The following BICC1 variants were observed in gnomAD, a reference collection of about 807,000 sequenced individuals.
BICC1 encodes the protein BicC family RNA binding protein 1, also known as protein bicaudal C homolog 1.
BICC1 carries 43 observed loss-of-function variants against 111.0 expected under a neutral mutation model. The observed-to-expected ratio is 0.39, with a 90% confidence interval of 0.30 to 0.50. BICC1 has a LOEUF of 0.50. BICC1 is among the 20% of genes least tolerant of loss of function. The pLI, the probability that BICC1 is intolerant of heterozygous loss-of-function variation, is 0.88. For missense variants in BICC1, 1,091 were observed against 1,203.2 expected, an observed-to-expected ratio of 0.91 and a Z score of 1.38; for synonymous variants, 467 against 434.4, an observed-to-expected ratio of 1.07 and a Z score of -0.93.
chr10:58,644,111 TG>T (rs1459226239), intron 2 of BICC1, among the ~76,000 whole-genome samples: 1 of 152,160 alleles, frequency 6.6e-6, no homozygotes, highest in Non-Finnish European at 1.5e-5. Context: ...TTAGATAAGG[TG>T]GTTATCTGGC....
At chr10:58,665,324 A>G (rs751475601) in intron 2 of BICC1, among the ~76,000 whole-genome samples, 3 of 152,162 alleles carry the variant, frequency 2.0e-5, no homozygotes, top group East Asian at 1.9e-4. Flanking sequence ...GTTTTTAAGC[A>G]TAAGTATTCT....
intron 1 of BICC1, among the ~76,000 whole-genome samples, chr10:58,522,262 G>T (rs368142894): frequency 6.6e-6 from 1 of 151,968 alleles, no homozygotes; most frequent in South Asian, 2.1e-4. Context: ...AATATATTAT[G>T]AAATAATTTA....
chr10:58,664,019 T>C (rs1377079161), intron 2 of BICC1, among the ~76,000 whole-genome samples: 2 of 152,190 alleles, frequency 1.3e-5, no homozygotes, highest in Admixed American at 6.5e-5. Context: ...ATGAAGGTGC[T>C]GTAAAATGCA....
intron 2 of BICC1, among the ~76,000 whole-genome samples, chr10:58,665,783 A>G (rs563942618): frequency 7.9e-5 from 12 of 152,268 alleles, no homozygotes; most frequent in Admixed American, 2.0e-4. Flanking sequence ...ATTAGTGGAC[A>G]TTTTGCTGGC....
At chr10:58,663,583 G>A (rs1838914696) in intron 2 of BICC1, among the ~76,000 whole-genome samples, 1 of 152,168 alleles carries the variant, frequency 6.6e-6, no homozygotes, top group Non-Finnish European at 1.5e-5. Flanking sequence ...TCCCCTTCCT[G>A]TCAGATCAGC....
chr10:58,775,412 A>G (rs1261562912), intron 3 of BICC1, among the ~76,000 whole-genome samples: 1 of 150,792 alleles, frequency 6.6e-6, no homozygotes, highest in Non-Finnish European at 1.5e-5. Flanking sequence ...AAAAACAAAC[A>G]AAAAAAAACA....
At chr10:58,708,945 C>T (rs1046544130) in intron 3 of BICC1, among the ~76,000 whole-genome samples, 7 of 152,152 alleles carry the variant, frequency 4.6e-5, no homozygotes, top group Non-Finnish European at 8.8e-5. Flanking sequence ...GAAAACCTTA[C>T]TGAGGACTTC....
At chr10:58,798,640 A>G in intron 11 of BICC1, 80 bp downstream of exon 11, 1 of 1,315,282 alleles carries the variant, frequency 7.6e-7, no homozygotes, top group Non-Finnish European at 1.0e-6. Context: ...CGAAGGGCTC[A>G]GTTTTCTTAA....
chr10:58,658,544 T>C (rs1334483249), intron 2 of BICC1, among the ~76,000 whole-genome samples: 10 of 152,156 alleles, frequency 6.6e-5, no homozygotes, highest in Admixed American at 6.6e-4. Context: ...TGATTAATTT[T>C]ATTATGCCAT....
At chr10:58,570,936 C>A (rs1843929539) in intron 1 of BICC1, among the ~76,000 whole-genome samples, 1 of 152,084 alleles carries the variant, frequency 6.6e-6, no homozygotes. Flanking sequence ...TGCTGCTGAT[C>A]TTGTTTTGCT....
At chr10:58,783,916 A>G (rs1842943391) in intron 3 of BICC1, among the ~76,000 whole-genome samples, 1 of 152,140 alleles carries the variant, frequency 6.6e-6, no homozygotes, top group Non-Finnish European at 1.5e-5. Context: ...ATTGCTGGGC[A>G]ACTTGAAAAC....
At chr10:58,734,003 G>T (rs768241336) in intron 3 of BICC1, among the ~76,000 whole-genome samples, 24 of 152,198 alleles carry the variant, frequency 1.6e-4, no homozygotes, top group Non-Finnish European at 3.1e-4. Flanking sequence ...TAAGGGATTT[G>T]TATTGATCTC....
chr10:58,615,276 A>G (rs2132119290), intron 1 of BICC1, among the ~76,000 whole-genome samples: 1 of 152,324 alleles, frequency 6.6e-6, no homozygotes, highest in Admixed American at 6.5e-5. Flanking sequence ...CAAACTACAG[A>G]TAATTTATTT....
At position 58,611,711 on chromosome 10, in the gene BICC1, A is replaced by T. The variant is rs2132108468; in HGVS notation, c.191-9144A>T. ...CACCATGCTGCGTAGGCTGGTCTCAAACTCCTGACCTCAGGTGATCCTCCC... is the reference window on the plus strand; with the variant it reads ...CACCATGCTGCGTAGGCTGGTCTCATACTCCTGACCTCAGGTGATCCTCCC... On this transcript the variant is annotated intron_variant, in intron 1 of 20. Transcript: ENST00000373886. Among the ~76,000 whole-genome samples the T allele has an allele frequency of 2.0e-5, 3 of 151,966 alleles. No homozygotes were observed. In the South Asian group the frequency reaches 6.3e-4, roughly 32 times the overall value.
At chr10:58,707,924 C>T (rs1338160593) in intron 3 of BICC1, among the ~76,000 whole-genome samples, 1 of 151,806 alleles carries the variant, frequency 6.6e-6, no homozygotes, top group Non-Finnish European at 1.5e-5. Flanking sequence ...CTCGAGCTCC[C>T]GACCTCAGGT....
intron 1 of BICC1, among the ~76,000 whole-genome samples, chr10:58,528,423 A>C (rs979771216): frequency 2.0e-5 from 3 of 151,904 alleles, no homozygotes; most frequent in African/African-American, 7.2e-5. Flanking sequence ...TATAAATCGA[A>C]ATTTGTCAAG....
At chr10:58,806,692 C>A in intron 16 of BICC1, 69 bp downstream of exon 16, 1 of 1,310,438 alleles carries the variant, frequency 7.6e-7, no homozygotes, top group South Asian at 1.3e-5. Context: ...TTTGAGTACT[C>A]ATGGTGAATC....
At chr10:58,528,328 G>C (rs2131846152) in intron 1 of BICC1, among the ~76,000 whole-genome samples, 1 of 151,888 alleles carries the variant, frequency 6.6e-6, no homozygotes, top group East Asian at 1.9e-4. Context: ...TAGAACATTA[G>C]TGTGGAGTTT....
At chr10:58,554,692 T>C (rs1391447697) in intron 1 of BICC1, among the ~76,000 whole-genome samples, 1 of 152,048 alleles carries the variant, frequency 6.6e-6, no homozygotes, top group Non-Finnish European at 1.5e-5. Context: ...CCATGAAATA[T>C]ACACATTCAT....
Sources: allele counts gnomAD v4.1 joint callset (sites outside exome capture counted in the v4.1 genomes callset), GRCh38; gene constraint gnomAD v4.1.1; transcripts MANE v1.5; gene names NCBI Gene and HGNC (gene_info 2026-07-23, HGNC 2026-07-21).